The following PTPRD variants were observed in gnomAD, a reference collection of about 807,000 sequenced individuals.
The protein encoded by PTPRD is receptor-type tyrosine-protein phosphatase delta.
A neutral mutation model predicts 214.5 loss-of-function variants in PTPRD; 34 were observed. That is an observed-to-expected ratio of 0.16 (90% confidence interval 0.12 to 0.21). The LOEUF (loss-of-function observed/expected upper bound fraction) is 0.21. Ranked by LOEUF, PTPRD falls within the 10% of genes least tolerant of loss-of-function variation. PTPRD has a pLI of 1.00. For missense variants in PTPRD, 2,545 were observed against 2,398.7 expected (o/e 1.06, Z -1.27); for synonymous variants, 1,128 against 845.7 (o/e 1.33, Z -5.79).
At chr9:9,874,220 C>T (rs994845028) in intron 5 of PTPRD, among the ~76,000 whole-genome samples, 8 of 151,920 alleles carry the variant, frequency 5.3e-5, no homozygotes, top group African/African-American at 1.9e-4. Flanking sequence ...GACAGGAGGC[C>T]GAAGACGAGA....
intron 5 of PTPRD, among the ~76,000 whole-genome samples, chr9:9,881,504 T>C (rs2068676771): frequency 6.6e-6 from 1 of 152,144 alleles, no homozygotes; most frequent in Non-Finnish European, 1.5e-5. Context: ...TCATCTTTTA[T>C]AAACAGAAAA....
intron 2 of PTPRD, among the ~76,000 whole-genome samples, chr9:10,364,214 G>T (rs1214306251): frequency 1.3e-5 from 2 of 151,822 alleles, no homozygotes; most frequent in African/African-American, 4.8e-5. Flanking sequence ...CGTTAGCCAG[G>T]ATGGTCTCGA....
At chr9:8,678,755 C>A (rs1183351287) in intron 12 of PTPRD, among the ~76,000 whole-genome samples, 1 of 152,102 alleles carries the variant, frequency 6.6e-6, no homozygotes, top group Non-Finnish European at 1.5e-5. Context: ...TATAAAATGA[C>A]ATATTTTTGG....
At chr9:9,180,680 A>C (rs1428750335) in intron 10 of PTPRD, among the ~76,000 whole-genome samples, 9 of 152,128 alleles carry the variant, frequency 5.9e-5, no homozygotes, top group Admixed American at 2.0e-4. Flanking sequence ...CTACAAAAGG[A>C]AAGAATTTCT....
intron 2 of PTPRD, among the ~76,000 whole-genome samples, chr9:10,342,242 T>C (rs543955188): frequency 2.0e-5 from 3 of 152,192 alleles, no homozygotes; most frequent in African/African-American, 4.8e-5. Flanking sequence ...GTGTCACTTA[T>C]AGGTAACAAA....
intron 13 of PTPRD, among the ~76,000 whole-genome samples, chr9:8,633,832 C>A (rs117910303): frequency 1.3e-5 from 2 of 151,916 alleles, no homozygotes; most frequent in Admixed American, 1.3e-4. Flanking sequence ...AGCACATATA[C>A]GAATGTGGAT....
intron 5 of PTPRD, among the ~76,000 whole-genome samples, chr9:9,910,506 A>C (rs2078886746): frequency 6.6e-6 from 1 of 152,028 alleles, no homozygotes; most frequent in African/African-American, 2.4e-5. Context: ...TCCTCTTGAC[A>C]GTGTAGGGGT....
At chr9:9,830,256 T>G (rs2054366649) in intron 5 of PTPRD, among the ~76,000 whole-genome samples, 2 of 151,968 alleles carry the variant, frequency 1.3e-5, no homozygotes, top group South Asian at 4.2e-4. Context: ...AAATGTCTAT[T>G]TGAAATATAT....
chr9:9,785,075 GT>G (rs1395482368), intron 5 of PTPRD, among the ~76,000 whole-genome samples: 2 of 150,638 alleles, frequency 1.3e-5, no homozygotes, highest in Non-Finnish European at 3.0e-5. Flanking sequence ...TGAAAGAAAA[GT>G]TTTATAAAAT....
rs973964651 is a variant in PTPRD, at chr9:9,906,579, C to T, written c.-368+31928G>A. 2.0e-5 allele frequency among the ~76,000 whole-genome samples: 3 copies of T among 151,892 alleles called. No individual in the cohort carries two copies. In the Admixed American group the frequency reaches 2.0e-4, roughly 10 times the overall value. ...TAGTTGAAGACAGACATTCCTATGA[C>T]ACATTTATTTAAGTCATACTACACT... On this transcript the variant is annotated intron_variant, in intron 5 of 45. Coordinates refer to ENST00000381196, the MANE Select transcript of PTPRD (RefSeq NM_002839.4).
intron 5 of PTPRD, among the ~76,000 whole-genome samples, chr9:9,903,947 A>G (rs1427110995): frequency 6.6e-6 from 1 of 152,186 alleles, no homozygotes; most frequent in Non-Finnish European, 1.5e-5. Context: ...ACCTACAGAC[A>G]GTAATAGTAA....
chr9:10,445,321 G>C (rs983457226), intron 2 of PTPRD, among the ~76,000 whole-genome samples: 29 of 152,140 alleles, frequency 1.9e-4, no homozygotes, highest in African/African-American at 6.7e-4. Context: ...CACTTGAGCA[G>C]AAAAGAAATG....
At position 9,800,761 on chromosome 9, in the gene PTPRD, T is replaced by C. The variant is rs1423408785; in HGVS notation, c.-367-33910A>G. 1.3e-5 allele frequency: 2 copies of C among 152,216 alleles called. 1 individual carries two copies. The highest frequency in any genetic ancestry group is 4.1e-4 in the South Asian group (2 of 4,830). 9.4% of individuals were successfully genotyped at this position (152,216 alleles called of 1,614,324 possible). A position where few individuals can be genotyped will look rare whatever the true frequency, so the allele number is the denominator to read the frequency against. ...AATTATATTTGCCCAATTTATCCAA[T>C]GTTGAAAGGTGTTCAAGGGTCAATA... On this transcript the variant is annotated intron_variant, in intron 5 of 45. Coordinates refer to ENST00000381196, the MANE Select transcript of PTPRD (RefSeq NM_002839.4).
intron 4 of PTPRD, among the ~76,000 whole-genome samples, chr9:9,986,103 A>G (rs1324390604): frequency 6.6e-6 from 1 of 152,194 alleles, no homozygotes; most frequent in Admixed American, 6.5e-5. Context: ...AAATTTACAA[A>G]GAATGATTAT....
chr9:8,995,512 G>C (rs2154351034), intron 11 of PTPRD, among the ~76,000 whole-genome samples: 1 of 152,170 alleles, frequency 6.6e-6, no homozygotes, highest in African/African-American at 2.4e-5. Flanking sequence ...TTTACAGTTT[G>C]ACACATGAAG....
intron 7 of PTPRD, among the ~76,000 whole-genome samples, chr9:9,643,921 A>T (rs1328478676): frequency 1.3e-5 from 2 of 152,150 alleles, no homozygotes; most frequent in African/African-American, 4.8e-5. Context: ...TGTCAGTTAT[A>T]CTCATAGGCA....
In PTPRD at chr9:8,492,605, G is replaced by T. The variant is rs146880911; in HGVS notation, c.2467+257C>A. Among the ~76,000 whole-genome samples the T allele has an allele frequency of 1.5e-3, 173 of 116,216 alleles. 1 individual carries two copies. Among genetic ancestry groups the T allele is most frequent in the African/African-American group, 6.1e-3 (161 of 26,450 alleles). The allele number at this position is 116,216 out of a possible 152,430, so 76.2% of individuals were successfully genotyped here. On this transcript the variant is annotated intron_variant, in intron 27 of 45. Transcript: ENST00000381196. ...TGCTGGTAACAGTGCCTGACACACA[G>T]AAGGTGCTCAAAAAAAAAAAAAAAA...
At chr9:9,766,911 T>C (rs147947436) in intron 5 of PTPRD, 60 bp from the exon 6 acceptor site, 5 of 152,506 alleles carry the variant, frequency 3.3e-5, no homozygotes, top group African/African-American at 1.2e-4. Flanking sequence ...GATTGAGAAA[T>C]ACCAATATAT....
At chr9:9,757,818 C>A (rs2098602227) in intron 6 of PTPRD, among the ~76,000 whole-genome samples, 1 of 152,082 alleles carries the variant, frequency 6.6e-6, no homozygotes, top group South Asian at 2.1e-4. Flanking sequence ...TTTTAACCAT[C>A]TTACTCATCA....
Sources: gnomAD v4.1 joint callset for allele counts (sites outside exome capture counted in the v4.1 genomes callset) on GRCh38, gnomAD v4.1.1 for gene constraint, MANE v1.5 for transcripts, NCBI Gene and HGNC (gene_info 2026-07-23, HGNC 2026-07-21) for gene names.